SHISA9: variants seen among roughly 807,000 people sequenced by gnomAD.
SHISA9 encodes the protein shisa family member 9.
SHISA9 carries 13 observed loss-of-function variants against 38.0 expected under a neutral mutation model. The ratio of observed to expected loss-of-function variants is 0.34; its 90% CI spans 0.22 to 0.54. SHISA9 has a LOEUF of 0.54. Among genes scored for constraint, SHISA9 ranks in the 20% least tolerant of loss-of-function variants. The pLI, the probability that SHISA9 is intolerant of heterozygous loss-of-function variation, is 0.91. For synonymous variants in SHISA9, 275 were observed against 242.0 expected (o/e 1.14, Z -1.27); for missense variants, 538 against 575.8 (o/e 0.93, Z 0.67).
chr16:13,469,359 A>AAAGAAAGAAAG, the SHISA9 span, among the ~76,000 whole-genome samples: 1 of 56,380 alleles, frequency 1.8e-5, no homozygotes, highest in Admixed American at 2.0e-4. Flanking sequence ...AGAAAGAAAG[A>AAAGAAAGAAAG]AAAGAAAAAG....
chr16:13,093,297 A>G (rs992392897), intron 2 of SHISA9, among the ~76,000 whole-genome samples: 2 of 152,164 alleles, frequency 1.3e-5, no homozygotes, highest in Admixed American at 1.3e-4. Context: ...GGGTTAAGAA[A>G]AGCCCATCTC....
chr16:13,136,797 G>A (rs1237702159), intron 2 of SHISA9, among the ~76,000 whole-genome samples: 3 of 152,132 alleles, frequency 2.0e-5, no homozygotes, highest in South Asian at 2.1e-4. Flanking sequence ...GAAAAATTAC[G>A]GCAGCCTTTT....
At chr16:13,009,897 C>G (rs1214599778) in intron 2 of SHISA9, among the ~76,000 whole-genome samples, 1 of 152,076 alleles carries the variant, frequency 6.6e-6, no homozygotes, top group Non-Finnish European at 1.5e-5. Flanking sequence ...ACATAGAAGG[C>G]CAGGCATAGT....
Position 13,203,432 on chromosome 16 carries a change from C to T in SHISA9, c.730C>T (p.Leu244=), listed in dbSNP as rs1156620701. The T allele has an allele frequency of 1.9e-6, 3 of 1,550,094 alleles. No individual in the cohort carries two copies. The highest frequency in any genetic ancestry group is 1.7e-6 in the Non-Finnish European group (2 of 1,146,224). ...QMNNAVPTSP[L]LQQMGHPHSY... ...GAACAACGCAGTGCCCACCTCTCCT[C>T]TGCTCCAGCAGATGGGCCATCCACA... is the stretch of plus-strand genomic sequence containing the variant. The change falls in exon 3 of 5, where the codon CTG becomes TTG. Residue 244 remains leucine, a synonymous_variant. Transcript: ENST00000558583.
At chr16:13,128,803 A>G (rs976636957) in intron 2 of SHISA9, among the ~76,000 whole-genome samples, 21 of 152,156 alleles carry the variant, frequency 1.4e-4, no homozygotes, top group Admixed American at 1.1e-3. Flanking sequence ...TGCTGTTGGA[A>G]TTCATTAGGA....
intron 2 of SHISA9, among the ~76,000 whole-genome samples, chr16:13,080,541 A>G (rs931789095): frequency 5.3e-5 from 8 of 152,134 alleles, no homozygotes; most frequent in Non-Finnish European, 1.0e-4. Flanking sequence ...GATAATTTCT[A>G]GCTTCACCAA....
the SHISA9 span, among the ~76,000 whole-genome samples, chr16:13,495,415 A>G: frequency 6.6e-6 from 1 of 152,170 alleles, no homozygotes; most frequent in Non-Finnish European, 1.5e-5. Flanking sequence ...AAAAATTAAG[A>G]AAGATAATAT....
rs868445913 is a variant in SHISA9, at chr16:12,901,962, C to A, written c.-103C>A. The A allele has an allele frequency of 9.5e-5, 97 of 1,024,864 alleles. No homozygotes were observed. In the Middle Eastern group the frequency reaches 4.2e-3, roughly 45 times the overall value. 63.5% of individuals were successfully genotyped at this position (1,024,864 alleles called of 1,614,324 possible). ...CCTGCATGTGCGGCCCGCGGCGGCT[C>A]GCAGCTCCCGGCAGCAGCCTCGGCA... On this transcript the variant is annotated 5_prime_UTR_variant, in exon 1 of 5. Coordinates refer to ENST00000558583, the MANE Select transcript of SHISA9 (RefSeq NM_001145204.3).
intron 2 of SHISA9, among the ~76,000 whole-genome samples, chr16:13,142,935 G>T (rs185273207): frequency 1.3e-5 from 2 of 151,932 alleles, no homozygotes; most frequent in East Asian, 3.9e-4. Flanking sequence ...TCAAATTAGT[G>T]GGGATGAACT....
At chr16:13,330,921 A>T in the SHISA9 span, among the ~76,000 whole-genome samples, 2 of 152,140 alleles carry the variant, frequency 1.3e-5, no homozygotes, top group African/African-American at 4.8e-5. Flanking sequence ...TGTAAGACAG[A>T]TTCTCCCTGG....
At chr16:13,003,144 C>G (rs1048545864) in intron 2 of SHISA9, among the ~76,000 whole-genome samples, 1 of 152,134 alleles carries the variant, frequency 6.6e-6, no homozygotes, top group Non-Finnish European at 1.5e-5. Context: ...GTGGCTGACA[C>G]AGAGCGAGAG....
At chr16:12,950,830 G>T (rs2071744560) in intron 2 of SHISA9, among the ~76,000 whole-genome samples, 2 of 151,012 alleles carry the variant, frequency 1.3e-5, no homozygotes, top group Admixed American at 1.3e-4. Flanking sequence ...GGATGATCTT[G>T]ATCTCCTGAC....
chr16:13,104,810 G>A (rs1290587042), intron 2 of SHISA9, among the ~76,000 whole-genome samples: 2 of 152,126 alleles, frequency 1.3e-5, no homozygotes, highest in Non-Finnish European at 2.9e-5. Context: ...TCACAGAATT[G>A]TATACTTACA....
At chr16:13,215,092 A>G (rs2051155468) in intron 4 of SHISA9, among the ~76,000 whole-genome samples, 1 of 152,144 alleles carries the variant, frequency 6.6e-6, no homozygotes, top group Non-Finnish European at 1.5e-5. Flanking sequence ...TAGAGGATGG[A>G]GAGAAGAAAA....
chr16:13,076,012 C>T (rs2073577017), intron 2 of SHISA9, among the ~76,000 whole-genome samples: 1 of 151,904 alleles, frequency 6.6e-6, no homozygotes, highest in Non-Finnish European at 1.5e-5. Flanking sequence ...AGAAAATCAA[C>T]CCCCATTGAG....
At chr16:12,970,391 A>ATATATACATATATG (rs2072049124) in intron 2 of SHISA9, among the ~76,000 whole-genome samples, 2 of 9,410 alleles carry the variant, frequency 2.1e-4, no homozygotes, top group Non-Finnish European at 4.4e-4. Context: ...ACATATATGT[A>ATATATACATATATG]TATATATATA....
chr16:13,287,782 C>A, the SHISA9 span, among the ~76,000 whole-genome samples: 1 of 152,158 alleles, frequency 6.6e-6, no homozygotes, highest in Non-Finnish European at 1.5e-5. Flanking sequence ...TTCAGCTGAA[C>A]AATGATAGTC....
At chr16:13,294,423 T>G in the SHISA9 span, among the ~76,000 whole-genome samples, 1 of 152,168 alleles carries the variant, frequency 6.6e-6, no homozygotes, top group Admixed American at 6.5e-5. Flanking sequence ...TGGACCAGCA[T>G]ATAGCCTGGG....
At chr16:13,305,932 CA>C in the SHISA9 span, among the ~76,000 whole-genome samples, 1 of 152,210 alleles carries the variant, frequency 6.6e-6, no homozygotes, top group Non-Finnish European at 1.5e-5. Context: ...TTTCTAGAGA[CA>C]GGGGAGACTG....
Sources: allele counts gnomAD v4.1 joint callset (sites outside exome capture counted in the v4.1 genomes callset), GRCh38; gene constraint gnomAD v4.1.1; transcripts MANE v1.5; gene names NCBI Gene and HGNC (gene_info 2026-07-23, HGNC 2026-07-21).